FANCB: variants seen among roughly 807,000 people sequenced by gnomAD.
The protein encoded by FANCB is Fanconi anemia group B protein.
In FANCB, 5 loss-of-function variants were observed where a neutral mutation model predicts 38.9. That is an observed-to-expected ratio of 0.13 (90% CI 0.07 to 0.27). The LOEUF (loss-of-function observed/expected upper bound fraction) is 0.27, where lower values mean the gene tolerates loss of function less well. Among genes scored for constraint, FANCB ranks in the 10% least tolerant of loss-of-function variants. The pLI is 1.00. For synonymous variants in FANCB, 236 were observed against 215.4 expected, an observed-to-expected ratio of 1.10 and a Z score of -0.84; for missense variants, 573 against 602.7, an observed-to-expected ratio of 0.95 and a Z score of 0.52.
At chrX:14,835,504 G>C (rs2092338846), downstream of FANCB, among the ~76,000 whole-genome samples, 1 of 111,952 alleles carries the variant, frequency 8.9e-6, no homozygotes, top group Admixed American at 9.5e-5. Context: ...GAATAACCTA[G>C]AGGGCTTGTT....
intron 5 of FANCB, 83 bp downstream of exon 5, chrX:14,857,779 C>G: frequency 1.4e-6 from 1 of 701,016 alleles, no homozygotes; most frequent in Non-Finnish European, 2.3e-6. Context: ...GTTGCTTATA[C>G]TTTAAGGACC....
chrX:14,825,012 AT>A, the FANCB span, among the ~76,000 whole-genome samples: 14 of 111,930 alleles, frequency 1.3e-4, no homozygotes, highest in African/African-American at 4.5e-4. Context: ...ATTCTAGGCT[AT>A]TTTTTATAAG....
chrX:14,707,738 CT>C, the FANCB span, among the ~76,000 whole-genome samples: 1 of 95,886 alleles, frequency 1.0e-5, no homozygotes, highest in Non-Finnish European at 2.1e-5. Context: ...ATATGTTTTC[CT>C]ACTTTGACAG....
At chrX:14,821,107 G>A in the FANCB span, among the ~76,000 whole-genome samples, 1 of 111,415 alleles carries the variant, frequency 9.0e-6, no homozygotes, top group South Asian at 3.7e-4. Context: ...ATGTTATGAT[G>A]AGTCTGGTCT....
At chrX:14,839,202 G>A (rs1485798621), downstream of FANCB, among the ~76,000 whole-genome samples, 1 of 111,067 alleles carries the variant, frequency 9.0e-6, no homozygotes, top group Non-Finnish European at 1.9e-5. Flanking sequence ...GCTAAGGCAG[G>A]AGAATCACTT....
At chrX:14,800,224 C>T in the FANCB span, among the ~76,000 whole-genome samples, 1 of 111,886 alleles carries the variant, frequency 8.9e-6, no homozygotes, top group Non-Finnish European at 1.9e-5. Context: ...TGTCTAATGG[C>T]TCAGAACCCT....
the FANCB span, among the ~76,000 whole-genome samples, chrX:14,700,694 G>A: frequency 3.6e-5 from 4 of 111,024 alleles, no homozygotes; most frequent in Non-Finnish European, 5.7e-5. Flanking sequence ...GGACAGTGAG[G>A]AAGTGAGGAC....
chrX:14,854,608 A>G (rs1362164008), intron 5 of FANCB, among the ~76,000 whole-genome samples: 1 of 111,516 alleles, frequency 9.0e-6, no homozygotes, highest in Non-Finnish European at 1.9e-5. Flanking sequence ...ACAAAAACCC[A>G]CCCAAAACCA....
chrX:14,815,808 T>A, the FANCB span, among the ~76,000 whole-genome samples: 1 of 112,217 alleles, frequency 8.9e-6, no homozygotes, highest in East Asian at 2.8e-4. Flanking sequence ...GGTACATATA[T>A]ACCATGGAAT....
the FANCB span, among the ~76,000 whole-genome samples, chrX:14,776,565 G>A: frequency 2.7e-4 from 30 of 112,307 alleles, no homozygotes; most frequent in African/African-American, 9.4e-4. Context: ...TGAGAAAAGG[G>A]GACTGTGAAG....
intron 3 of FANCB, among the ~76,000 whole-genome samples, chrX:14,862,689 T>A (rs1479243274): frequency 8.9e-6 from 1 of 111,970 alleles, no homozygotes; most frequent in Admixed American, 9.4e-5. Context: ...CTAACTGAGT[T>A]CCTCCTATGT....
the FANCB span, among the ~76,000 whole-genome samples, chrX:14,794,214 C>T: frequency 9.0e-6 from 1 of 111,297 alleles, no homozygotes; most frequent in African/African-American, 3.3e-5. Context: ...TTTAACGTAT[C>T]TTAGAGGCAG....
At chrX:14,800,407 A>ATCT in the FANCB span, among the ~76,000 whole-genome samples, 1 of 111,696 alleles carries the variant, frequency 9.0e-6, no homozygotes, top group East Asian at 2.8e-4. Context: ...GGAAAGCCAA[A>ATCT]AATTGCCAGC....
At chrX:14,730,823 GCT>G in the FANCB span, 4 of 183,242 alleles carry the variant, frequency 2.2e-5, no homozygotes, top group Non-Finnish European at 4.0e-5. Context: ...GTTCTTAAGG[GCT>G]GTTTGCCTTT....
chrX:14,816,544 A>C, the FANCB span, among the ~76,000 whole-genome samples: 336 of 111,849 alleles, frequency 3.0e-3, 1 homozygote, highest in African/African-American at 9.5e-3. Context: ...GGGTTTCTCA[A>C]CCTCGACATT....
intron 6 of FANCB, among the ~76,000 whole-genome samples, chrX:14,852,498 G>A (rs1386560632): frequency 1.8e-5 from 2 of 110,415 alleles, no homozygotes; most frequent in African/African-American, 3.3e-5. Flanking sequence ...TCAGCCACAA[G>A]GAAAAAGAGA....
the FANCB span, among the ~76,000 whole-genome samples, chrX:14,805,140 A>T: frequency 1.8e-5 from 2 of 111,190 alleles, no homozygotes; most frequent in Admixed American, 1.9e-4. Context: ...TCATGCTACT[A>T]GACACCACCA....
At chrX:14,820,191 C>G in the FANCB span, among the ~76,000 whole-genome samples, 2 of 111,098 alleles carry the variant, frequency 1.8e-5, no homozygotes, top group East Asian at 5.7e-4. Context: ...CTTTCTCTAT[C>G]TCCATCCCTC....
the FANCB span, among the ~76,000 whole-genome samples, chrX:14,795,338 T>A: frequency 8.9e-6 from 1 of 112,500 alleles, no homozygotes; most frequent in Admixed American, 9.4e-5. Context: ...CATTCACTCA[T>A]ATATTTAATG....
Sources: allele counts gnomAD v4.1 joint callset (sites outside exome capture counted in the v4.1 genomes callset), GRCh38; gene constraint gnomAD v4.1.1; transcripts MANE v1.5; gene names NCBI Gene and HGNC (gene_info 2026-07-23, HGNC 2026-07-21).